The following POC1B variants were observed in gnomAD, a reference collection of about 807,000 sequenced individuals.
POC1B encodes the protein POC1 centriolar protein B, also known as POC1 centriolar protein homolog B.
Under a neutral mutation model 60.6 loss-of-function variants are expected in POC1B, and 44 were observed. That is an observed-to-expected ratio of 0.73 (90% CI 0.57 to 0.93). POC1B has a LOEUF of 0.93. Ranked by LOEUF, POC1B falls within the 40% of genes least tolerant of loss-of-function variation. The probability of loss-of-function intolerance (pLI) is 0.00; values close to 1 mark genes in which losing one functional copy is unlikely to be tolerated. For synonymous variants in POC1B, 180 were observed against 198.9 expected, an observed-to-expected ratio of 0.90 and a Z score of 0.80; for missense variants, 555 against 572.3, an observed-to-expected ratio of 0.97 and a Z score of 0.31.
Position 89,433,511 on chromosome 12 carries a change from T to C in POC1B, c.1114-8132A>G, listed in dbSNP as rs180992023. On this transcript the variant is annotated intron_variant, in intron 10 of 11. Transcript: ENST00000313546. ...GATTTAACCCAGGTTGGCATTTTTC[T>C]AGGTGAGGATAACAGAGGGAGAAAG... Among the ~76,000 whole-genome samples, 1,426 of 152,208 alleles carry C rather than the reference T, an allele frequency of 9.4e-3. 11 individuals carry two copies. Among genetic ancestry groups the C allele is most frequent in the Non-Finnish European group, 0.016 (1,064 of 68,004 alleles).
In POC1B at chr12:89,432,158, C is replaced by T. The variant is rs539748949; in HGVS notation, c.1114-6779G>A. ...TAGCACTTTGGGAGGTCGAGGTGGG[C>T]GGATTGCCTGAGCTCAAGAGTTTGA... On this transcript the variant is annotated intron_variant, in intron 10 of 11. Coordinates refer to ENST00000313546, the MANE Select transcript of POC1B (RefSeq NM_172240.3). Among the ~76,000 whole-genome samples the T allele has an allele frequency of 2.6e-5, 4 of 151,890 alleles. No individual in the cohort carries two copies. The East Asian group carries it at 7.7e-4, about 29-fold the overall frequency.
Position 89,488,857 on chromosome 12 carries a change from C to T in POC1B, c.452+3079G>A, listed in dbSNP as rs567389248. 3.9e-5 allele frequency among the ~76,000 whole-genome samples: 6 copies of T among 152,230 alleles called. No homozygotes were observed. In the South Asian group the frequency reaches 6.2e-4, roughly 16 times the overall value. On this transcript the variant is annotated intron_variant, in intron 4 of 11. Coordinates refer to ENST00000313546, the MANE Select transcript of POC1B (RefSeq NM_172240.3). ...TTTTGCTTAGTTAAATCAACCGTCACGTTTTTGCTTATTGTGCAGCTCCCT... is the reference window on the plus strand; with the variant it reads ...TTTTGCTTAGTTAAATCAACCGTCATGTTTTTGCTTATTGTGCAGCTCCCT...
At chr12:89,453,781 A>G (rs987729395) in intron 10 of POC1B, among the ~76,000 whole-genome samples, 2 of 152,198 alleles carry the variant, frequency 1.3e-5, no homozygotes, top group African/African-American at 4.8e-5. Flanking sequence ...TAGTTACTCA[A>G]TGTTGTCTAG....
the POC1B span, among the ~76,000 whole-genome samples, chr12:89,411,586 T>C: frequency 6.6e-6 from 1 of 152,210 alleles, no homozygotes; most frequent in Non-Finnish European, 1.5e-5. Flanking sequence ...GTCTTTTGCC[T>C]TAATCACTCA....
intron 10 of POC1B, among the ~76,000 whole-genome samples, chr12:89,445,455 C>A (rs1368987647): frequency 1.3e-5 from 2 of 152,090 alleles, no homozygotes; most frequent in African/African-American, 4.8e-5. Flanking sequence ...TACTACCACA[C>A]ATCTACCACC....
chr12:89,501,797 A>G (rs1225294349), intron 2 of POC1B: 1 of 1,061,456 alleles, frequency 9.4e-7, no homozygotes, highest in African/African-American at 1.6e-5. Flanking sequence ...AAGAAAACAA[A>G]TCAGTCATCT....
chr12:89,470,662 T>G (rs1001792738), intron 6 of POC1B, among the ~76,000 whole-genome samples, 168 bp from the exon 7 acceptor site: 4 of 152,330 alleles, frequency 2.6e-5, no homozygotes, highest in South Asian at 4.1e-4. Context: ...AGCTCTAAGC[T>G]TCCAGTTAGA....
At chr12:89,483,791 C>G (rs1252576256) in intron 4 of POC1B, among the ~76,000 whole-genome samples, 1 of 151,904 alleles carries the variant, frequency 6.6e-6, no homozygotes, top group Non-Finnish European at 1.5e-5. Context: ...CACCAGGAGA[C>G]CTTCACTACA....
intron 10 of POC1B, among the ~76,000 whole-genome samples, chr12:89,431,627 A>C (rs913263603): frequency 1.3e-5 from 2 of 152,242 alleles, no homozygotes; most frequent in African/African-American, 4.8e-5. Flanking sequence ...AACTTCAATA[A>C]TCTCTACATA....
chr12:89,409,677 C>A, the POC1B span, among the ~76,000 whole-genome samples: 2 of 152,216 alleles, frequency 1.3e-5, no homozygotes, highest in Admixed American at 6.5e-5. Flanking sequence ...CTATAAACAC[C>A]TCTGTGCAAA....
At chr12:89,405,390 C>T in the POC1B span, among the ~76,000 whole-genome samples, 3 of 152,072 alleles carry the variant, frequency 2.0e-5, no homozygotes, top group Non-Finnish European at 4.4e-5. Context: ...TGCCTGTAAT[C>T]CCAGTACTTT....
At chr12:89,440,651 T>A (rs4842654) in intron 10 of POC1B, among the ~76,000 whole-genome samples, 29,416 of 151,842 alleles carry the variant, frequency 0.19, 3,261 homozygotes, top group South Asian at 0.36. Flanking sequence ...TAGAGGAGAG[T>A]AGGTTCCAAG....
chr12:89,410,025 T>G, the POC1B span, among the ~76,000 whole-genome samples: 3 of 152,084 alleles, frequency 2.0e-5, no homozygotes, highest in African/African-American at 7.2e-5. Flanking sequence ...CAGGCCAATA[T>G]CCCTGATGAA....
chr12:89,511,874 T>C (rs763993980), intron 2 of POC1B, among the ~76,000 whole-genome samples: 2 of 152,016 alleles, frequency 1.3e-5, no homozygotes, highest in Non-Finnish European at 2.9e-5. Context: ...GCCAATATGG[T>C]GAAACCCTGT....
intron 1 of POC1B, chr12:89,525,553 T>C: frequency 9.6e-7 from 1 of 1,044,322 alleles, no homozygotes. Flanking sequence ...CTTTGGTACT[T>C]TTTTTTTTTT....
intron 4 of POC1B, among the ~76,000 whole-genome samples, chr12:89,478,873 T>G (rs181584814): frequency 1.3e-5 from 2 of 152,326 alleles, no homozygotes; most frequent in Admixed American, 1.3e-4. Context: ...GGAAAAGTTC[T>G]CTACTACATT....
the POC1B span, among the ~76,000 whole-genome samples, chr12:89,408,338 G>A: frequency 6.6e-6 from 1 of 152,082 alleles, no homozygotes. Flanking sequence ...GGGATGGCTG[G>A]GCCAAATGGT....
chr12:89,419,485 G>T (rs1178915809), downstream of POC1B, among the ~76,000 whole-genome samples: 1 of 152,144 alleles, frequency 6.6e-6, no homozygotes, highest in Admixed American at 6.5e-5. Flanking sequence ...GCTACAGGTG[G>T]TTCCTAAAGT....
At chr12:89,512,128 C>T (rs937745476) in intron 2 of POC1B, among the ~76,000 whole-genome samples, 2 of 152,170 alleles carry the variant, frequency 1.3e-5, no homozygotes, top group Admixed American at 1.3e-4. Flanking sequence ...CTTGACTAGA[C>T]AAACTTTAAT....
Sources: allele counts gnomAD v4.1 joint callset (sites outside exome capture counted in the v4.1 genomes callset), GRCh38; gene constraint gnomAD v4.1.1; transcripts MANE v1.5; gene names NCBI Gene and HGNC (gene_info 2026-07-23, HGNC 2026-07-21).